Variants in FNTA observed in about 807,000 individuals in gnomAD.
The protein encoded by FNTA is farnesyltransferase, CAAX box, subunit alpha.
A neutral mutation model predicts 55.2 loss-of-function variants in FNTA; 27 were observed. That is an observed-to-expected ratio of 0.49 (90% CI 0.36 to 0.67). The LOEUF (loss-of-function observed/expected upper bound fraction) is 0.67. FNTA is among the 30% of genes least tolerant of loss of function. FNTA has a pLI of 0.00. For missense variants in FNTA, 422 were observed against 464.7 expected, an observed-to-expected ratio of 0.91 and a Z score of 0.85; for synonymous variants, 176 against 170.7, an observed-to-expected ratio of 1.03 and a Z score of -0.24.
intron 1 of FNTA, 131 bp downstream of exon 1, chr8:43,056,677 G>A: frequency 2.0e-6 from 1 of 492,364 alleles, no homozygotes; most frequent in Non-Finnish European, 3.0e-6. Context: ...GCCGGTGCAT[G>A]GCGCTGGGCC....
chr8:43,085,442 A>C lies in FNTA; in HGVS notation c.*160A>C, dbSNP rs1404266678. ...CTGATGCTCCTTGGGTGCTGCTGCT[A>C]CTCAGACTAGCTCTAAGTAATGTGA... On this transcript the variant is annotated 3_prime_UTR_variant, in exon 9 of 9. Coordinates refer to ENST00000302279, the MANE Select transcript of FNTA (RefSeq NM_002027.3). 1 of 639,230 alleles carries C rather than the reference A, an allele frequency of 1.6e-6. No homozygotes were observed. The highest frequency in any genetic ancestry group is 1.9e-5 in the African/African-American group (1 of 52,620). 39.6% of individuals were successfully genotyped at this position (639,230 alleles called of 1,614,324 possible).
intron 5 of FNTA, among the ~76,000 whole-genome samples, chr8:43,075,478 T>A (rs1810889109): frequency 2.0e-5 from 3 of 152,136 alleles, no homozygotes; most frequent in African/African-American, 7.2e-5. Context: ...CTTTATTGGT[T>A]CTCTTCCCCC....
intron 2 of FNTA, among the ~76,000 whole-genome samples, chr8:43,060,984 A>C (rs2130542407): frequency 6.6e-6 from 1 of 152,246 alleles, no homozygotes; most frequent in East Asian, 1.9e-4. Context: ...CCCATTGGCC[A>C]ATAAAATAGG....
rs779119464 is a variant in FNTA, at chr8:43,059,038, C to T, written c.201-54C>T. The T allele has an allele frequency of 3.2e-6, 4 of 1,256,904 alleles. No homozygotes were observed. In the South Asian group the frequency reaches 3.8e-5, roughly 12 times the overall value. The allele number at this position is 1,256,904 out of a possible 1,614,324, so 77.9% of individuals were successfully genotyped here. On this transcript the variant is annotated intron_variant, in intron 1 of 8. Coordinates refer to ENST00000302279, the MANE Select transcript of FNTA (RefSeq NM_002027.3). ...ATTGTCATTTTAAAAACACTAGAGT[C>T]CCTTTTCTTCTGTATTTGAATGTAA...
chr8:43,062,720 A>G (rs1810563648), intron 2 of FNTA, among the ~76,000 whole-genome samples: 1 of 152,238 alleles, frequency 6.6e-6, no homozygotes, highest in African/African-American at 2.4e-5. Context: ...TCTATAGTCA[A>G]AATACTTCGA....
At position 43,083,098 on chromosome 8, in the gene FNTA, T is replaced by C. The variant is rs765949652; in HGVS notation, c.783-20T>C. The stretch of plus-strand genomic sequence containing the variant: ...ATTGCACTGTTCTTTTAAAATTGTA[T>C]ATATATATTTTTCTTGCAGATACAC... On this transcript the variant is annotated intron_variant, in intron 6 of 8. Coordinates refer to ENST00000302279, the MANE Select transcript of FNTA (RefSeq NM_002027.3). 8 of 1,383,806 alleles carry C rather than the reference T, an allele frequency of 5.8e-6. No individual in the cohort carries two copies. The Admixed American group carries it at 1.7e-4, about 29-fold the overall frequency. The allele number at this position is 1,383,806 out of a possible 1,614,324, so 85.7% of individuals were successfully genotyped here. A position where few individuals can be genotyped will look rare whatever the true frequency, so the allele number is the denominator to read the frequency against.
At chr8:43,073,784 C>T (rs527277499) in intron 5 of FNTA, among the ~76,000 whole-genome samples, 1 of 152,268 alleles carries the variant, frequency 6.6e-6, no homozygotes, top group East Asian at 1.9e-4. Flanking sequence ...GGTAGAGGGC[C>T]AGGATGCTGC....
At position 43,056,427 on chromosome 8, in the gene FNTA, C is replaced by T. The variant is rs1329846071; in HGVS notation, c.81C>T (p.His27=). Residue 27 remains histidine, a synonymous_variant, in exon 1 of 9, where the codon CAC becomes CAT. Transcript: ENST00000302279. ...CGGCGCAACCCCCGCCCCAGCCGCACCCACCGCCGCCCCAGCAGCAGCACA... is the reference window on the plus strand; with the variant it reads ...CGGCGCAACCCCCGCCCCAGCCGCATCCACCGCCGCCCCAGCAGCAGCACA... ...GQPAQPPPQP[H]PPPPQQQHKE... 3.9e-6 allele frequency: 6 copies of T among 1,533,096 alleles called. No homozygotes were observed. Among genetic ancestry groups the T allele is most frequent in the South Asian group, 2.4e-5 (2 of 81,736 alleles). 95.0% of individuals were successfully genotyped at this position (1,533,096 alleles called of 1,614,324 possible). A position where few individuals can be genotyped will look rare whatever the true frequency, so the allele number is the denominator to read the frequency against.
Position 43,065,423 on chromosome 8 carries a change from T to G in FNTA, c.401+1208T>G, listed in dbSNP as rs535671111. ...CCACCACACCCAGCTAATTTTGTAT[T>G]TTTAGTAGAGACGGGGTTTCATCAT... is the stretch of plus-strand genomic sequence containing the variant. On this transcript the variant is annotated intron_variant, in intron 3 of 8. Transcript: ENST00000302279. 1.1e-3 allele frequency among the ~76,000 whole-genome samples: 175 copies of G among 152,178 alleles called. 1 individual carries two copies. The highest frequency in any genetic ancestry group is 4.1e-3 in the African/African-American group (169 of 41,522).
At chr8:43,063,314 C>A (rs193190266) in intron 2 of FNTA, 79 of 456,062 alleles carry the variant, frequency 1.7e-4, no homozygotes, top group African/African-American at 1.3e-3. Flanking sequence ...CTGCTGGGTT[C>A]AAGTGATCTG....
intron 5 of FNTA, 191 bp from the exon 6 acceptor site, chr8:43,077,025 C>A: frequency 4.6e-6 from 2 of 435,522 alleles, no homozygotes; most frequent in Non-Finnish European, 8.1e-6. Context: ...ATGTGTCTTT[C>A]CAGGCTCTAT....
chr8:43,061,909 G>A lies in FNTA; in HGVS notation c.287-2192G>A, dbSNP rs1586653253. ...TAATTTTGCATTTTTAGTAGAGACG[G>A]GGTTTCTCCATGTTGGTTAGGCTGG... On this transcript the variant is annotated intron_variant, in intron 2 of 8. Coordinates refer to ENST00000302279, the MANE Select transcript of FNTA (RefSeq NM_002027.3). 2.0e-5 allele frequency among the ~76,000 whole-genome samples: 3 copies of A among 152,072 alleles called. No individual in the cohort carries two copies. In the South Asian group the frequency reaches 6.2e-4, roughly 32 times the overall value.
chr8:43,056,544 C>T lies in FNTA; in HGVS notation c.198C>T (p.Tyr66=). ...TGGACTCGCCCTCCTATGTCCTGTACAGGTAACGCCCCCGCGGCGGCCGCG... is the reference window on the plus strand; with the variant it reads ...TGGACTCGCCCTCCTATGTCCTGTATAGGTAACGCCCCCGCGGCGGCCGCG... ...VSLDSPSYVL[Y]RDRAEWADID... is the part of the protein sequence containing the mutation. Residue 66 remains tyrosine, a splice_region_variant and synonymous_variant, in exon 1 of 9, where the codon TAC becomes TAT. Transcript: ENST00000302279. 1 of 1,451,810 alleles carries T rather than the reference C, an allele frequency of 6.9e-7. No individual in the cohort carries two copies. Among genetic ancestry groups the T allele is most frequent in the Non-Finnish European group, 9.1e-7 (1 of 1,095,348 alleles). 89.9% of individuals were successfully genotyped at this position (1,451,810 alleles called of 1,614,324 possible).
At chr8:43,057,829 G>C (rs1810445363) in intron 1 of FNTA, among the ~76,000 whole-genome samples, 1 of 151,926 alleles carries the variant, frequency 6.6e-6, no homozygotes, top group Non-Finnish European at 1.5e-5. Flanking sequence ...GTGGTGGCGG[G>C]CACCTGTAAT....
At chr8:43,072,532 C>G (rs1810815424) in intron 5 of FNTA, among the ~76,000 whole-genome samples, 2 of 151,902 alleles carry the variant, frequency 1.3e-5, no homozygotes. Flanking sequence ...TTGAGATCAG[C>G]CTGGGCAACA....
intron 5 of FNTA, among the ~76,000 whole-genome samples, chr8:43,074,174 AT>A (rs1439181337): frequency 6.6e-6 from 1 of 152,190 alleles, no homozygotes. Context: ...GATTGGATGT[AT>A]TTTACTGTAT....
chr8:43,066,133 TTTG>T (rs1810652722), intron 3 of FNTA, among the ~76,000 whole-genome samples: 1 of 151,374 alleles, frequency 6.6e-6, no homozygotes, highest in African/African-American at 2.5e-5. Flanking sequence ...CTTATTTTCA[TTTG>T]TTTATCTTTT....
At chr8:43,067,393 C>T (rs190095743) in intron 3 of FNTA, among the ~76,000 whole-genome samples, 12 of 152,246 alleles carry the variant, frequency 7.9e-5, no homozygotes, top group African/African-American at 2.6e-4. Flanking sequence ...ATCTTTGCCC[C>T]GATTCTCTTT....
At position 43,085,339 on chromosome 8, in the gene FNTA, G is replaced by C. The variant is rs1016675196; in HGVS notation, c.*57G>C. On this transcript the variant is annotated 3_prime_UTR_variant, in exon 9 of 9. Transcript: ENST00000302279. Reference sequence around the variant, plus strand: ...TATTTTTTATTAAGGGACCCTGCAGGAGTTTCACACGAGAGTGGTCCTTCC... The same window carrying C: ...TATTTTTTATTAAGGGACCCTGCAGCAGTTTCACACGAGAGTGGTCCTTCC... 1 of 1,541,928 alleles carries C rather than the reference G, an allele frequency of 6.5e-7. No individual in the cohort carries two copies. The highest frequency in any genetic ancestry group is 8.9e-7 in the Non-Finnish European group (1 of 1,129,616).
Sources: allele counts gnomAD v4.1 joint callset (sites outside exome capture counted in the v4.1 genomes callset), GRCh38; gene constraint gnomAD v4.1.1; transcripts MANE v1.5; gene names NCBI Gene and HGNC (gene_info 2026-07-23, HGNC 2026-07-21).